Variants in LIG4 observed in about 807,000 individuals in gnomAD.
The protein encoded by LIG4 is DNA ligase 4.
Under a neutral mutation model 19.0 loss-of-function variants are expected in LIG4, and 13 were observed. The observed-to-expected ratio is 0.68, with a 90% CI of 0.44 to 1.09. The LOEUF is 1.09. LIG4 is among the 50% of genes least tolerant of loss of function. LIG4 has a pLI of 0.00. For synonymous variants in LIG4, 361 were observed against 358.2 expected, an observed-to-expected ratio of 1.01 and a Z score of -0.09; for missense variants, 1,026 against 1,089.7, an observed-to-expected ratio of 0.94 and a Z score of 0.82.
chr13:108,214,724 T>C (rs1404346221), intron 1 of LIG4, 114 bp from the exon 2 acceptor site: 2 of 152,212 alleles, frequency 1.3e-5, no homozygotes, highest in Non-Finnish European at 2.9e-5. Context: ...TGGGTCTAGA[T>C]GAAGAGCACA....
At position 108,214,782 on chromosome 13, in the gene LIG4, G is replaced by A. The variant is rs1805387; in HGVS notation, c.-101-172C>T. 0.025 allele frequency: 3,831 copies of A among 152,102 alleles called. 167 individuals are homozygous for A. The highest frequency in any genetic ancestry group is 0.088 in the African/African-American group (3,634 of 41,186). The allele number at this position is 152,102 out of a possible 1,614,324, so 9.4% of individuals were successfully genotyped here. Reference sequence around the variant, plus strand: ...ATGCGGCGCAGTCTACAGCGCTGTGGACTCGGCAACTCCCATCACCTGCCG... The same window carrying A: ...ATGCGGCGCAGTCTACAGCGCTGTGAACTCGGCAACTCCCATCACCTGCCG... On this transcript the variant is annotated intron_variant, in intron 1 of 2. Transcript: ENST00000442234.
chr13:108,208,798 G>A lies in LIG4; in HGVS notation c.2471C>T (p.Ala824Val), dbSNP rs1383762149. Residue 824 changes from alanine to valine, a missense_variant, in exon 3 of 3, where the codon GCT (alanine) becomes GTT (valine). By Grantham distance (64) the Ala-to-Val change is moderately conservative. Around this residue, in one of 3 missense-constraint regions of LIG4, gnomAD observed 521 missense variants for 515.5 expected, o/e 1.01. Coordinates refer to ENST00000442234, the MANE Select transcript of LIG4 (RefSeq NM_206937.2). ...RRHTVYLDSY[A>V]VINDLSTKNE... ...TTTGGTACTCAGGTCATTAATAACA[G>A]CATACGAGTCCAAATAAACGGTGTG... 1.2e-6 allele frequency: 2 copies of A among 1,614,090 alleles called. No individual in the cohort carries two copies.
chr13:108,210,211 CTTT>C lies in LIG4; in HGVS notation c.1055_1057del (p.Lys352del). On this transcript the variant is annotated inframe_deletion, in exon 3 of 3. Coordinates refer to ENST00000442234, the MANE Select transcript of LIG4 (RefSeq NM_206937.2). ...TTGCAGATCAGAATCCTCTACCATT[CTTT>C]TAATATCAAACTTAGTTCCCTTTTG... 1 of 1,613,590 alleles carries C rather than the reference CTTT, an allele frequency of 6.2e-7. No homozygotes were observed. Among genetic ancestry groups the C allele is most frequent in the Non-Finnish European group, 8.5e-7 (1 of 1,179,754 alleles).
At chr13:108,215,657 C>G (rs1879248387), upstream of LIG4, 1 of 151,104 alleles carries the variant, frequency 6.6e-6, no homozygotes, top group Non-Finnish European at 1.5e-5. Context: ...CCGGCAGCCC[C>G]GTGGGGCTGC....
rs1317423605 is a variant in LIG4 at position 108,208,691 on chromosome 13, C to T, written c.2578G>A (p.Val860Met). ...TCTTCCCCAATTATTACATGAGACA[C>T]TCCCTCAGCTAAACAAGAAACTACT... ...AKVVSCLAEG[V>M]SHVIIGEDHS... is the part of the protein sequence containing the mutation. The change falls in exon 3 of 3, where the codon GTG (valine) becomes ATG (methionine). Residue 860 changes from valine (V) to methionine (M), a missense_variant. By Grantham distance (21) the Val-to-Met change is conservative (BLOSUM62 1). Around this residue, in one of 3 missense-constraint regions of LIG4, gnomAD observed 521 missense variants for 515.5 expected, o/e 1.01. Coordinates refer to ENST00000442234, the MANE Select transcript of LIG4 (RefSeq NM_206937.2). 1.2e-6 allele frequency: 2 copies of T among 1,614,180 alleles called. No individual in the cohort carries two copies. The highest frequency in any genetic ancestry group is 1.1e-5 in the South Asian group (1 of 91,082).
In LIG4 at chr13:108,211,310, AAG is replaced by A. The variant is rs756472620; in HGVS notation, c.-28-16_-28-15del. The stretch of plus-strand genomic sequence containing the variant: ...CTTCTCGTTTAACTAGTAAAGCAAA[AAG>A]AGAATAACTTTAAGTAAAAGATAAG... On this transcript the variant is annotated splice_polypyrimidine_tract_variant and intron_variant, in intron 2 of 2. Coordinates refer to ENST00000442234, the MANE Select transcript of LIG4 (RefSeq NM_206937.2). 9 of 1,390,000 alleles carry A rather than the reference AAG, an allele frequency of 6.5e-6. No homozygotes were observed. The African/African-American group carries it at 1.3e-4, about 20-fold the overall frequency. The allele number at this position is 1,390,000 out of a possible 1,614,324, so 86.1% of individuals were successfully genotyped here.
chr13:108,210,480 C>G lies in LIG4; in HGVS notation c.789G>C (p.Met263Ile), dbSNP rs1295268527. 12 of 1,613,032 alleles carry G rather than the reference C, an allele frequency of 7.4e-6. No homozygotes were observed. The Admixed American group carries it at 1.8e-4, about 25-fold the overall frequency. Residue 263 changes from methionine (M) to isoleucine (I), a missense_variant, in exon 3 of 3, where the codon ATG becomes ATC. Met to Ile is a conservative substitution (Grantham distance 10, BLOSUM62 1). Coordinates refer to ENST00000442234, the MANE Select transcript of LIG4 (RefSeq NM_206937.2). ...IADIEHIEKD[M>I]KHQSFYIETK... ...TTTCTATGTAGAAACTCTGATGTTT[C>G]ATATCCTTCTCAATGTGCTCAATAT... is the stretch of plus-strand genomic sequence containing the variant.
chr13:108,209,051 G>T lies in LIG4; in HGVS notation c.2218C>A (p.Pro740Thr). Residue 740 changes from proline to threonine, a missense_variant, in exon 3 of 3, where the codon CCT becomes ACT. Around this residue, in one of 3 missense-constraint regions of LIG4, gnomAD observed 521 missense variants for 515.5 expected, o/e 1.01. Transcript: ENST00000442234. Reference sequence around the variant, plus strand: ...GGGCACATATGAATCATAAAGCGAGGCTGCCATGGTACAAAGCTTTTGGTC... The same window carrying T: ...GGGCACATATGAATCATAAAGCGAGTCTGCCATGGTACAAAGCTTTTGGTC... ...FKTKSFVPWQ[P>T]RFMIHMCPST... is the part of the protein sequence containing the mutation. 6.2e-7 allele frequency: 1 copy of T among 1,614,114 alleles called. No homozygotes were observed. The highest frequency in any genetic ancestry group is 2.2e-5 in the East Asian group (1 of 44,888).
At chr13:108,214,713 T>C (rs1022070423) in intron 1 of LIG4, 103 bp from the exon 2 acceptor site, 7 of 152,230 alleles carry the variant, frequency 4.6e-5, no homozygotes, top group Admixed American at 3.9e-4. Flanking sequence ...GACCTGGGGC[T>C]TGGGTCTAGA....
chr13:108,217,814 G>T (rs1220244720), upstream of LIG4, among the ~76,000 whole-genome samples: 1 of 152,118 alleles, frequency 6.6e-6, no homozygotes, highest in Non-Finnish European at 1.5e-5. Flanking sequence ...AAACAAGTGT[G>T]TACACTTCAG....
In LIG4 at chr13:108,209,786, C is replaced by T; in HGVS notation, c.1483G>A (p.Glu495Lys). 6.2e-7 allele frequency: 1 copy of T among 1,614,102 alleles called. No homozygotes were observed. Among genetic ancestry groups the T allele is most frequent in the Non-Finnish European group, 8.5e-7 (1 of 1,180,014 alleles). Residue 495 changes from glutamate (E) to lysine (K), a missense_variant, in exon 3 of 3, where the codon GAG becomes AAG. This residue lies in a region of LIG4 where 521 missense variants were observed against 515.5 expected (regional missense o/e 1.01). Coordinates refer to ENST00000442234, the MANE Select transcript of LIG4 (RefSeq NM_206937.2). ...CAVAEKPPPG[E>K]KPSVFHTLSR... is the part of the protein sequence containing the mutation. ...AGAGTATGAAACACAGATGGCTTCT[C>T]ACCAGGAGGGGGCTTCTCTGCTACT...
intron 2 of LIG4, among the ~76,000 whole-genome samples, chr13:108,214,156 TAAAA>T (rs61113578): frequency 6.6e-6 from 1 of 152,050 alleles, no homozygotes; most frequent in African/African-American, 2.4e-5. Context: ...CTATTGCACT[TAAAA>T]AAGAGAGAGG....
In LIG4 at chr13:108,208,789, TTAA is replaced by T; in HGVS notation, c.2477_2479del (p.Ile826del). Reference sequence around the variant, plus strand: ...CCCCTCATTTTTGGTACTCAGGTCATTAATAACAGCATACGAGTCCAAATAAAC... The same window carrying T: ...CCCCTCATTTTTGGTACTCAGGTCATTAACAGCATACGAGTCCAAATAAAC... On this transcript the variant is annotated inframe_deletion, in exon 3 of 3. Transcript: ENST00000442234. The T allele has an allele frequency of 6.2e-7, 1 of 1,614,160 alleles. No individual in the cohort carries two copies. Among genetic ancestry groups the T allele is most frequent in the Non-Finnish European group, 8.5e-7 (1 of 1,180,020 alleles).
At position 108,210,174 on chromosome 13, in the gene LIG4, A is replaced by G. The variant is rs1156390649; in HGVS notation, c.1095T>C (p.Cys365=). The G allele has an allele frequency of 1.2e-6, 2 of 1,613,762 alleles. No homozygotes were observed. Among genetic ancestry groups the G allele is most frequent in the African/African-American group, 1.3e-5 (1 of 74,940 alleles). Residue 365 remains cysteine, a synonymous_variant, in exon 3 of 3, where the codon TGT becomes TGC. Coordinates refer to ENST00000442234, the MANE Select transcript of LIG4 (RefSeq NM_206937.2). ...TATTAACCATCAATACATCAAAAAC[A>G]CAATAACAAGTTTGCAGATCAGAAT... The part of the protein sequence containing the change: ...VEDSDLQTCY[C]VFDVLMVNNK...
upstream of LIG4, among the ~76,000 whole-genome samples, chr13:108,217,650 T>A (rs1879378157): frequency 6.6e-6 from 1 of 150,922 alleles, no homozygotes; most frequent in South Asian, 2.1e-4. Flanking sequence ...TGAGCCGAGA[T>A]CACGCCATTG....
chr13:108,210,146 T>C lies in LIG4; in HGVS notation c.1123A>G (p.Lys375Glu). The change falls in exon 3 of 3, where the codon AAA becomes GAA. Residue 375 changes from lysine (K) to glutamate (E), a missense_variant. By Grantham distance (56) the Lys-to-Glu change is moderately conservative. Transcript: ENST00000442234. ...CVFDVLMVNN[K>E]KLGHETLRKR... is the part of the protein sequence containing the mutation. ...CTCAGAGTCTCATGCCCTAGCTTTT[T>C]ATTATTAACCATCAATACATCAAAA... is the stretch of plus-strand genomic sequence containing the variant. 6.2e-7 allele frequency: 1 copy of C among 1,613,868 alleles called. No individual in the cohort carries two copies. The highest frequency in any genetic ancestry group is 8.5e-7 in the Non-Finnish European group (1 of 1,179,982).
At chr13:108,216,664 G>A (rs1263203565), upstream of LIG4, among the ~76,000 whole-genome samples, 2 of 152,152 alleles carry the variant, frequency 1.3e-5, no homozygotes, top group Non-Finnish European at 2.9e-5. Flanking sequence ...TTATTTTGGA[G>A]GAAAAATGAA....
rs1485194585 is a variant in LIG4 at position 108,211,306 on chromosome 13, CAA to C, written c.-28-12_-28-11del. On this transcript the variant is annotated splice_polypyrimidine_tract_variant and intron_variant, in intron 2 of 2. Coordinates refer to ENST00000442234, the MANE Select transcript of LIG4 (RefSeq NM_206937.2). ...GAATCTTCTCGTTTAACTAGTAAAGCAAAAAGAGAATAACTTTAAGTAAAAGA... is the reference window on the plus strand; with the variant it reads ...GAATCTTCTCGTTTAACTAGTAAAGCAAAGAGAATAACTTTAAGTAAAAGA... The C allele has an allele frequency of 2.8e-6, 4 of 1,411,868 alleles. No individual in the cohort carries two copies. In the East Asian group the frequency reaches 9.1e-5, roughly 32 times the overall value. 87.5% of individuals were successfully genotyped at this position (1,411,868 alleles called of 1,614,324 possible).
At position 108,209,776 on chromosome 13, in the gene LIG4, G is replaced by A; in HGVS notation, c.1493C>T (p.Ser498Phe). Reference sequence around the variant, plus strand: ...AACACGAGAGAGAGTATGAAACACAGATGGCTTCTCACCAGGAGGGGGCTT... The same window carrying A: ...AACACGAGAGAGAGTATGAAACACAAATGGCTTCTCACCAGGAGGGGGCTT... Reference protein sequence around the residue: ...AEKPPPGEKPSVFHTLSRVGS... With the variant: ...AEKPPPGEKPFVFHTLSRVGS... The change falls in exon 3 of 3, where the codon TCT becomes TTT. Residue 498 changes from serine (S) to phenylalanine (F), a missense_variant. By Grantham distance (155) the Ser-to-Phe change is radical (BLOSUM62 -2). Around this residue, in one of 3 missense-constraint regions of LIG4, gnomAD observed 521 missense variants for 515.5 expected, o/e 1.01. Coordinates refer to ENST00000442234, the MANE Select transcript of LIG4 (RefSeq NM_206937.2). The A allele has an allele frequency of 6.2e-7, 1 of 1,614,102 alleles. No individual in the cohort carries two copies.
Sources: gnomAD v4.1 joint callset for allele counts (sites outside exome capture counted in the v4.1 genomes callset) on GRCh38, gnomAD v4.1.1 for gene constraint, gnomAD v4.1.1 regional missense constraint, MANE v1.5 for transcripts, NCBI Gene and HGNC (gene_info 2026-07-23, HGNC 2026-07-21) for gene names.